The following NELL2 variants were observed in gnomAD, a reference collection of about 807,000 sequenced individuals.
The protein encoded by NELL2 is neural EGFL like 2.
In NELL2, 41 loss-of-function variants were observed where a neutral mutation model predicts 109.6. That is an observed-to-expected ratio of 0.37 (90% CI 0.29 to 0.49). The LOEUF is 0.49. Among genes scored for constraint, NELL2 ranks in the 20% least tolerant of loss-of-function variants. The pLI is 0.98. For synonymous variants in NELL2, 355 were observed against 344.7 expected (o/e 1.03, Z -0.33); for missense variants, 900 against 1,008.3 (o/e 0.89, Z 1.45).
chr12:44,760,012 TA>T (rs1941055677), intron 9 of NELL2, among the ~76,000 whole-genome samples: 1 of 152,244 alleles, frequency 6.6e-6, no homozygotes, highest in Admixed American at 6.5e-5. Context: ...TCTTTCTCTC[TA>T]CCTTAGGTTG....
chr12:44,829,012 G>A (rs1488830122), intron 2 of NELL2, among the ~76,000 whole-genome samples: 1 of 151,980 alleles, frequency 6.6e-6, no homozygotes, highest in East Asian at 1.9e-4. Context: ...AATACTTTTG[G>A]CTAGTGTGAA....
At chr12:44,591,417 T>C (rs1459780073) in intron 15 of NELL2, among the ~76,000 whole-genome samples, 3 of 152,108 alleles carry the variant, frequency 2.0e-5, no homozygotes, top group Non-Finnish European at 4.4e-5. Flanking sequence ...AAATGTGGTA[T>C]ATATACATGA....
chr12:44,529,516 G>T (rs972704844), intron 16 of NELL2, among the ~76,000 whole-genome samples: 6 of 152,076 alleles, frequency 3.9e-5, no homozygotes, highest in African/African-American at 9.7e-5. Context: ...CCATGAAACT[G>T]GTTGACTTAG....
chr12:44,538,911 T>G (rs1448270712), intron 15 of NELL2, among the ~76,000 whole-genome samples: 4 of 152,158 alleles, frequency 2.6e-5, no homozygotes, highest in Non-Finnish European at 4.4e-5. Flanking sequence ...TATTATTTCT[T>G]TCTTCTTCAC....
rs560275456 is a variant in NELL2 at position 44,684,690 on chromosome 12, C to T, written c.1318+19036G>A. On this transcript the variant is annotated intron_variant, in intron 12 of 19. Coordinates refer to ENST00000429094, the MANE Select transcript of NELL2 (RefSeq NM_001145108.2). ...TTCGTTATGTACCCACTAGTCATTC[C>T]GGAGCAGGTTGTTCAGTTTCCATGT... 1.2e-4 allele frequency among the ~76,000 whole-genome samples: 19 copies of T among 152,158 alleles called. No homozygotes were observed. The South Asian group carries it at 1.5e-3, about 12-fold the overall frequency.
chr12:44,868,553 T>C lies in NELL2; in HGVS notation c.184+6672A>G, dbSNP rs1036284341. Among the ~76,000 whole-genome samples, 6 of 152,308 alleles carry C rather than the reference T, an allele frequency of 3.9e-5. No homozygotes were observed. The East Asian group carries it at 1.2e-3, about 29-fold the overall frequency. ...GTATATGTACACAATGGAATACTATTCCACCTCAAAGAAGAAAATCCTGTT... is the reference window on the plus strand; with the variant it reads ...GTATATGTACACAATGGAATACTATCCCACCTCAAAGAAGAAAATCCTGTT... On this transcript the variant is annotated intron_variant, in intron 2 of 19. Coordinates refer to ENST00000429094, the MANE Select transcript of NELL2 (RefSeq NM_001145108.2).
chr12:44,616,268 C>T (rs1246841456), intron 13 of NELL2, among the ~76,000 whole-genome samples: 4 of 152,138 alleles, frequency 2.6e-5, no homozygotes, highest in African/African-American at 9.7e-5. Flanking sequence ...AAATATATTG[C>T]CTATCTTGCA....
intron 14 of NELL2, 96 bp downstream of exon 14, chr12:44,610,752 T>C: frequency 6.5e-7 from 1 of 1,527,728 alleles, no homozygotes; most frequent in Non-Finnish European, 9.0e-7. Context: ...AGGAAGTACC[T>C]GGAATGTACA....
chr12:44,914,746 T>C (rs150629671), upstream of NELL2, among the ~76,000 whole-genome samples: 1,230 of 152,260 alleles, frequency 8.1e-3, 13 homozygotes, highest in Middle Eastern at 0.014. Context: ...AGCTATTGGA[T>C]ATATACTCCT....
intron 15 of NELL2, among the ~76,000 whole-genome samples, chr12:44,542,196 T>C (rs1462739002): frequency 2.0e-5 from 3 of 152,066 alleles, no homozygotes; most frequent in Admixed American, 6.6e-5. Context: ...CAGTAGTTCA[T>C]CACTCCTTCC....
At chr12:44,574,174 G>T (rs1292994470) in intron 15 of NELL2, among the ~76,000 whole-genome samples, 1 of 151,840 alleles carries the variant, frequency 6.6e-6, no homozygotes, top group East Asian at 1.9e-4. Flanking sequence ...AGTGATCTCG[G>T]CTCACTGCAA....
intron 9 of NELL2, among the ~76,000 whole-genome samples, chr12:44,718,367 G>T (rs1470188392): frequency 6.6e-6 from 1 of 152,170 alleles, no homozygotes; most frequent in Admixed American, 6.5e-5. Flanking sequence ...CCCCAGTAGA[G>T]TATAAAGTAA....
At chr12:44,702,904 T>C (rs1041552612) in intron 12 of NELL2, among the ~76,000 whole-genome samples, 5 of 152,226 alleles carry the variant, frequency 3.3e-5, no homozygotes, top group Non-Finnish European at 7.3e-5. Context: ...GCTGTGTGTT[T>C]ATACCTGAGG....
rs1056916242 is a variant in NELL2, at chr12:44,874,029, G to T, written c.184+1196C>A. On this transcript the variant is annotated intron_variant, in intron 2 of 19. Coordinates refer to ENST00000429094, the MANE Select transcript of NELL2 (RefSeq NM_001145108.2). ...AAGAGCAAACTTGTTTTAAGTAAAT[G>T]TAACACATGTGAATTTCCTCCTTTC... Among the ~76,000 whole-genome samples, 25 of 152,218 alleles carry T rather than the reference G, an allele frequency of 1.6e-4. No homozygotes were observed. In the East Asian group the frequency reaches 4.6e-3, roughly 28 times the overall value.
At chr12:44,590,437 T>C (rs561277663) in intron 15 of NELL2, among the ~76,000 whole-genome samples, 15 of 152,192 alleles carry the variant, frequency 9.9e-5, no homozygotes, top group Non-Finnish European at 1.8e-4. Context: ...ATCTAGTCCA[T>C]ACAGGTTATA....
intron 11 of NELL2, among the ~76,000 whole-genome samples, chr12:44,708,159 G>C (rs1360557965): frequency 2.0e-5 from 3 of 152,166 alleles, no homozygotes; most frequent in Non-Finnish European, 4.4e-5. Context: ...CTCAGTCTCT[G>C]TCATGTGGTA....
intron 18 of NELL2, among the ~76,000 whole-genome samples, chr12:44,520,860 T>C (rs1421519647): frequency 6.6e-6 from 1 of 152,230 alleles, no homozygotes; most frequent in East Asian, 1.9e-4. Flanking sequence ...TTCATAATTC[T>C]GAATCTCATG....
intron 12 of NELL2, among the ~76,000 whole-genome samples, chr12:44,690,295 A>G (rs2136393493): frequency 6.6e-6 from 1 of 152,312 alleles, no homozygotes; most frequent in East Asian, 1.9e-4. Flanking sequence ...AGTTGAGCAT[A>G]TAGCTGAAAA....
chr12:44,902,694 C>T (rs549103864), intron 1 of NELL2, among the ~76,000 whole-genome samples: 30 of 152,136 alleles, frequency 2.0e-4, no homozygotes, highest in South Asian at 8.3e-4. Flanking sequence ...GGTACTGGTA[C>T]GAAAACAGAG....
Sources: allele counts gnomAD v4.1 joint callset (sites outside exome capture counted in the v4.1 genomes callset), GRCh38; gene constraint gnomAD v4.1.1; transcripts MANE v1.5; gene names NCBI Gene and HGNC (gene_info 2026-07-23, HGNC 2026-07-21).